The following DPYD variants were observed in gnomAD, a reference collection of about 807,000 sequenced individuals.
The protein encoded by DPYD is dihydropyrimidine dehydrogenase.
In DPYD, 109 loss-of-function variants were observed where a neutral mutation model predicts 116.2. The ratio of observed to expected loss-of-function variants is 0.94; its 90% CI spans 0.80 to 1.10. The LOEUF (loss-of-function observed/expected upper bound fraction) is 1.10, where lower values mean the gene tolerates loss of function less well. DPYD is among the 50% of genes least tolerant of loss of function. The pLI is 0.00. For synonymous variants in DPYD, 440 were observed against 432.0 expected (o/e 1.02, Z -0.23); for missense variants, 1,302 against 1,254.5 (o/e 1.04, Z -0.57).
At chr1:97,906,309 T>C (rs1180711009) in intron 1 of DPYD, among the ~76,000 whole-genome samples, 2 of 152,108 alleles carry the variant, frequency 1.3e-5, no homozygotes, top group Non-Finnish European at 2.9e-5. Flanking sequence ...TGCATGAATG[T>C]GAATTTATAA....
At chr1:97,170,679 CTT>C (rs571244785) in intron 20 of DPYD, among the ~76,000 whole-genome samples, 25 of 143,378 alleles carry the variant, frequency 1.7e-4, no homozygotes, top group Admixed American at 2.1e-4. Flanking sequence ...CTTTCCATTT[CTT>C]TTTTTTTTTT....
chr1:97,537,517 CATA>C (rs1383955625), intron 12 of DPYD, among the ~76,000 whole-genome samples: 1 of 137,182 alleles, frequency 7.3e-6, no homozygotes, highest in African/African-American at 2.9e-5. Flanking sequence ...AAATTCCTCA[CATA>C]ATCTCAACCC....
intron 12 of DPYD, among the ~76,000 whole-genome samples, chr1:97,528,594 CCTT>C (rs897886939): frequency 5.3e-5 from 8 of 152,076 alleles, no homozygotes; most frequent in Non-Finnish European, 1.0e-4. Context: ...AACTCCTCCT[CCTT>C]CAACAAAAAA....
At chr1:97,205,339 C>G (rs1409132137) in intron 19 of DPYD, among the ~76,000 whole-genome samples, 1 of 151,934 alleles carries the variant, frequency 6.6e-6, no homozygotes, top group East Asian at 1.9e-4. Flanking sequence ...CTCCCCCATC[C>G]CCTGGCAACC....
chr1:97,198,354 A>G (rs74556004), intron 19 of DPYD, among the ~76,000 whole-genome samples: 10,313 of 152,296 alleles, frequency 0.068, 455 homozygotes, highest in Middle Eastern at 0.11. Flanking sequence ...ACATTTTCCT[A>G]GCCTTTCAAA....
At chr1:97,648,920 C>G (rs574853878) in intron 8 of DPYD, among the ~76,000 whole-genome samples, 3 of 152,134 alleles carry the variant, frequency 2.0e-5, no homozygotes, top group Non-Finnish European at 4.4e-5. Context: ...AGAAGATCCT[C>G]TATAGACCCT....
chr1:97,849,254 G>C (rs1006615729), intron 2 of DPYD, among the ~76,000 whole-genome samples: 3 of 151,872 alleles, frequency 2.0e-5, no homozygotes, highest in African/African-American at 7.3e-5. Flanking sequence ...TAGACATATA[G>C]AATAAGATTA....
intron 2 of DPYD, among the ~76,000 whole-genome samples, chr1:97,835,489 A>C (rs1369009818): frequency 6.6e-6 from 1 of 152,106 alleles, no homozygotes; most frequent in Admixed American, 6.6e-5. Context: ...TCTCATACAC[A>C]GTAAGAATTA....
chr1:97,137,906 C>A (rs748908040), intron 20 of DPYD, among the ~76,000 whole-genome samples: 2 of 152,054 alleles, frequency 1.3e-5, no homozygotes, highest in East Asian at 1.9e-4. Flanking sequence ...GCAGAGTGGT[C>A]TTGGTGGGTG....
chr1:97,113,653 T>A (rs1651763014), intron 20 of DPYD, among the ~76,000 whole-genome samples: 1 of 152,140 alleles, frequency 6.6e-6, no homozygotes, highest in East Asian at 1.9e-4. Context: ...TATTTGAATA[T>A]CAGTTATAAG....
intron 16 of DPYD, among the ~76,000 whole-genome samples, chr1:97,366,760 C>T (rs1671063085): frequency 1.3e-5 from 2 of 152,068 alleles, no homozygotes; most frequent in Non-Finnish European, 2.9e-5. Flanking sequence ...TATCAAAAAG[C>T]GAACAGAACT....
At chr1:97,361,705 A>C (rs1241980039) in intron 16 of DPYD, among the ~76,000 whole-genome samples, 1 of 152,254 alleles carries the variant, frequency 6.6e-6, no homozygotes, top group African/African-American at 2.4e-5. Context: ...GACAAAAACC[A>C]TATGATTATC....
intron 2 of DPYD, among the ~76,000 whole-genome samples, chr1:97,845,975 G>GC (rs1670281098): frequency 6.6e-6 from 1 of 152,226 alleles, no homozygotes; most frequent in African/African-American, 2.4e-5. Flanking sequence ...ATCCCTGGCT[G>GC]TGTGCAATGG....
intron 11 of DPYD, among the ~76,000 whole-genome samples, chr1:97,564,255 C>T (rs1652366337): frequency 6.6e-6 from 1 of 151,948 alleles, no homozygotes; most frequent in African/African-American, 2.4e-5. Context: ...TAAAACTGTC[C>T]CTTCATGTCA....
At position 97,079,123 on chromosome 1, in the gene DPYD, G is replaced by C. The variant is rs376502495; in HGVS notation, c.2931C>G (p.Thr977=). ...AAGTGTCGGTTATGGTGGGCAGGTG[G>C]GTTTCTGGATCAAACTGTATAGCCT... ...GYQAIQFDPE[T]HLPTITDTCT... The change falls in exon 23 of 23, where the codon ACC becomes ACG. Residue 977 remains threonine (T), a synonymous_variant. Transcript: ENST00000370192. The C allele has an allele frequency of 4.2e-5, 67 of 1,613,440 alleles. No individual in the cohort carries two copies. The highest frequency in any genetic ancestry group is 1.6e-4 in the Middle Eastern group (1 of 6,068).
chr1:97,679,541 A>G (rs1347255663), intron 7 of DPYD, among the ~76,000 whole-genome samples: 1 of 152,180 alleles, frequency 6.6e-6, no homozygotes, highest in African/African-American at 2.4e-5. Context: ...GGCAAAAGAT[A>G]TACACAAATA....
intron 3 of DPYD, among the ~76,000 whole-genome samples, chr1:97,796,214 G>C (rs1444808170): frequency 1.3e-5 from 2 of 152,020 alleles, no homozygotes; most frequent in Non-Finnish European, 2.9e-5. Context: ...TACCAATTCT[G>C]TTAGGTAGGC....
chr1:97,285,103 GT>G (rs1665579695), intron 18 of DPYD, among the ~76,000 whole-genome samples: 1 of 152,148 alleles, frequency 6.6e-6, no homozygotes, highest in South Asian at 2.1e-4. Flanking sequence ...AAGGTGGAGG[GT>G]TTTAACTTTT....
At chr1:97,335,778 T>C (rs1271002677) in intron 16 of DPYD, among the ~76,000 whole-genome samples, 1 of 152,194 alleles carries the variant, frequency 6.6e-6, no homozygotes, top group Admixed American at 6.5e-5. Context: ...ATAGTACAGT[T>C]GCTGCTTTAC....
Sources: allele counts gnomAD v4.1 joint callset (sites outside exome capture counted in the v4.1 genomes callset), GRCh38; gene constraint gnomAD v4.1.1; transcripts MANE v1.5; gene names NCBI Gene and HGNC (gene_info 2026-07-23, HGNC 2026-07-21).